Variants in UGT1A8 observed in about 807,000 individuals in gnomAD.
UGT1A8 encodes the protein UDP-glucuronosyltransferase 1A8.
UGT1A8 carries 39 observed loss-of-function variants against 45.3 expected under a neutral mutation model. The observed-to-expected ratio is 0.86, with a 90% CI of 0.67 to 1.12. The LOEUF is 1.12. UGT1A8 is among the 50% of genes most tolerant of loss of function. The probability of loss-of-function intolerance (pLI) is 0.00; values close to 1 mark genes in which losing one functional copy is unlikely to be tolerated. For synonymous variants in UGT1A8, 275 were observed against 249.2 expected (o/e 1.10, Z -0.97); for missense variants, 719 against 664.9 (o/e 1.08, Z -0.90).
At chr2:233,766,917 A>C (rs993857330) in intron 1 of UGT1A8, 117 bp from the exon 2 acceptor site, 136 of 1,547,100 alleles carry the variant, frequency 8.8e-5, no homozygotes, top group Admixed American at 4.9e-4. Flanking sequence ...CTCTATCTCA[A>C]ACACGCATGC....
intron 1 of UGT1A8, among the ~76,000 whole-genome samples, chr2:233,722,693 G>A (rs969109813): frequency 2.0e-5 from 3 of 151,938 alleles, no homozygotes; most frequent in Admixed American, 1.3e-4. Context: ...TCTTTTCATT[G>A]CTTTTAGATA....
intron 1 of UGT1A8, among the ~76,000 whole-genome samples, chr2:233,697,182 A>G (rs1179820208): frequency 6.6e-6 from 1 of 152,120 alleles, no homozygotes; most frequent in Non-Finnish European, 1.5e-5. Flanking sequence ...TGGTTGGTAG[A>G]ATTCAGCAGT....
At chr2:233,691,502 G>A (rs1304193805) in intron 1 of UGT1A8, 2 of 985,742 alleles carry the variant, frequency 2.0e-6, no homozygotes, top group Non-Finnish European at 2.4e-6. Flanking sequence ...ACAGGAACTC[G>A]CGTGCCAGCC....
chr2:233,636,796 G>C, intron 1 of UGT1A8: 28 of 1,614,196 alleles, frequency 1.7e-5, no homozygotes, highest in Non-Finnish European at 2.4e-5. Context: ...GGAATTCATG[G>C]TTTTCGCCCA....
At chr2:233,739,662 G>A (rs1426546706) in intron 1 of UGT1A8, among the ~76,000 whole-genome samples, 1 of 152,182 alleles carries the variant, frequency 6.6e-6, no homozygotes, top group African/African-American at 2.4e-5. Context: ...TACCCCCATT[G>A]TGTCTTGGAA....
At chr2:233,765,064 G>A (rs1050662538) in intron 1 of UGT1A8, among the ~76,000 whole-genome samples, 2 of 152,202 alleles carry the variant, frequency 1.3e-5, no homozygotes, top group Admixed American at 1.3e-4. Flanking sequence ...CCTGTCAGAG[G>A]TCTCCTGTGT....
intron 1 of UGT1A8, among the ~76,000 whole-genome samples, chr2:233,623,702 A>G (rs1020587473): frequency 1.3e-5 from 2 of 152,144 alleles, no homozygotes; most frequent in African/African-American, 2.4e-5. Context: ...CATGTAGATC[A>G]ATGGAATAGA....
chr2:233,668,624 T>C (rs2074123426), intron 1 of UGT1A8, among the ~76,000 whole-genome samples: 1 of 152,226 alleles, frequency 6.6e-6, no homozygotes, highest in Non-Finnish European at 1.5e-5. Context: ...CCTTGAGGAA[T>C]TGCCACACTG....
intron 1 of UGT1A8, among the ~76,000 whole-genome samples, chr2:233,700,130 A>G (rs1434848061): frequency 2.0e-5 from 3 of 152,150 alleles, no homozygotes; most frequent in Admixed American, 6.5e-5. Flanking sequence ...CCACCCTCTG[A>G]GCTGTTTGTC....
At chr2:233,683,902 G>A (rs2074655536) in intron 1 of UGT1A8, among the ~76,000 whole-genome samples, 1 of 151,996 alleles carries the variant, frequency 6.6e-6, no homozygotes, top group South Asian at 2.1e-4. Flanking sequence ...CTCTTATTTT[G>A]GCGGAGCATA....
rs904896556 is a variant in UGT1A8, at chr2:233,757,560, A to ATATATATG, written c.856-9473_856-9472insATATATGT. On this transcript the variant is annotated intron_variant, in intron 1 of 4. Coordinates refer to ENST00000373450, the MANE Select transcript of UGT1A8 (RefSeq NM_019076.5). ...AATATATATATATATATATATATAT[A>ATATATATG]TGTATATATGATATAGCTATAGTCT... is the stretch of plus-strand genomic sequence containing the variant. 5.4e-4 allele frequency among the ~76,000 whole-genome samples: 66 copies of ATATATATG among 123,154 alleles called. 2 individuals are homozygous for ATATATATG. Among genetic ancestry groups the ATATATATG allele is most frequent in the African/African-American group, 2.2e-3 (65 of 29,360 alleles). The allele number at this position is 123,154 out of a possible 152,430, so 80.8% of individuals were successfully genotyped here. A position where few individuals can be genotyped will look rare whatever the true frequency, so the allele number is the denominator to read the frequency against.
intron 1 of UGT1A8, chr2:233,729,450 G>C (rs1394250627): frequency 3.1e-6 from 5 of 1,614,082 alleles, no homozygotes; most frequent in Non-Finnish European, 3.4e-6. Flanking sequence ...ATTTTCTGAA[G>C]AAATTTTTCA....
chr2:233,700,698 T>C (rs1450440391), intron 1 of UGT1A8, among the ~76,000 whole-genome samples: 1 of 152,108 alleles, frequency 6.6e-6, no homozygotes, highest in Non-Finnish European at 1.5e-5. Context: ...AAACTACACT[T>C]TGAATGTTTT....
intron 1 of UGT1A8, among the ~76,000 whole-genome samples, chr2:233,624,283 T>C (rs957308505): frequency 2.6e-5 from 4 of 152,150 alleles, no homozygotes; most frequent in Non-Finnish European, 5.9e-5. Context: ...TCTCAGACTT[T>C]CCTTGTTTTT....
chr2:233,682,815 C>T (rs1223109916), intron 1 of UGT1A8: 1 of 1,581,258 alleles, frequency 6.3e-7, no homozygotes, highest in Non-Finnish European at 8.6e-7. Flanking sequence ...CCCTTTAGCA[C>T]ATTAAGAATA....
chr2:233,642,442 A>G (rs560016327), intron 1 of UGT1A8, among the ~76,000 whole-genome samples: 1 of 152,258 alleles, frequency 6.6e-6, no homozygotes, highest in African/African-American at 2.4e-5. Context: ...AATTTCTTTG[A>G]GTTTCCTCAA....
intron 1 of UGT1A8, among the ~76,000 whole-genome samples, chr2:233,642,986 T>G (rs1355603035): frequency 6.6e-6 from 1 of 152,206 alleles, no homozygotes; most frequent in African/African-American, 2.4e-5. Flanking sequence ...ACTATGACTG[T>G]GCTGGATCAG....
At chr2:233,720,574 T>A (rs1460258632) in intron 1 of UGT1A8, among the ~76,000 whole-genome samples, 1 of 152,136 alleles carries the variant, frequency 6.6e-6, no homozygotes, top group Non-Finnish European at 1.5e-5. Context: ...CTATTCTTTT[T>A]CCAAAAATTT....
At position 233,688,334 on chromosome 2, in the gene UGT1A8, C is replaced by T. The variant is rs1408140976; in HGVS notation, c.855+69772C>T. Among the ~76,000 whole-genome samples, 4 of 152,262 alleles carry T rather than the reference C, an allele frequency of 2.6e-5. No individual in the cohort carries two copies. The East Asian group carries it at 5.8e-4, about 22-fold the overall frequency. On this transcript the variant is annotated intron_variant, in intron 1 of 4. Coordinates refer to ENST00000373450, the MANE Select transcript of UGT1A8 (RefSeq NM_019076.5). ...CAGTTGGTGGACATTTGGGTTGTTT[C>T]CCATTTTCAGCCATGAAAAATAATG...
Sources: allele counts gnomAD v4.1 joint callset (sites outside exome capture counted in the v4.1 genomes callset), GRCh38; gene constraint gnomAD v4.1.1; transcripts MANE v1.5; gene names NCBI Gene and HGNC (gene_info 2026-07-23, HGNC 2026-07-21).